The following KLF16 variants were observed in gnomAD, a reference collection of about 807,000 sequenced individuals.
KLF16 encodes the protein Krueppel-like factor 16.
KLF16 carries 6 observed loss-of-function variants against 6.1 expected under a neutral mutation model. The observed-to-expected ratio is 0.98, with a 90% CI of 0.54 to 1.93. The LOEUF (loss-of-function observed/expected upper bound fraction) is 1.93, where lower values mean the gene tolerates loss of function less well. KLF16 is among the 30% of genes most tolerant of loss of function. The probability of loss-of-function intolerance (pLI) is 0.01; values close to 1 mark genes in which losing one functional copy is unlikely to be tolerated. For missense variants in KLF16, 355 were observed against 363.8 expected (o/e 0.98, Z 0.20); for synonymous variants, 211 against 176.5 (o/e 1.20, Z -1.55).
chr19:1,868,005 GAC>G (rs1366650147), upstream of KLF16, among the ~76,000 whole-genome samples: 2 of 151,826 alleles, frequency 1.3e-5, no homozygotes, highest in African/African-American at 4.8e-5. Flanking sequence ...CTTGATTTAA[GAC>G]AGTCGGGTCT....
intron 1 of KLF16, among the ~76,000 whole-genome samples, chr19:1,860,968 G>A (rs1169671667): frequency 1.3e-5 from 2 of 152,034 alleles, no homozygotes; most frequent in Non-Finnish European, 2.9e-5. Flanking sequence ...AAGGGGTGGG[G>A]GAGGGTGCCA....
At position 1,863,560 on chromosome 19, in the gene KLF16, C is replaced by CCGG. The variant is rs1784092577; in HGVS notation, c.-66_-64dup. On this transcript the variant is annotated 5_prime_UTR_variant, in exon 1 of 2. Transcript: ENST00000250916. ...GGCGGCGGGAGCGGCGTCCGTCCGG[C>CCGG]CGGCGGCGGCTGCTCGAGTGCGGGA... The CCGG allele has an allele frequency of 3.6e-6, 3 of 828,808 alleles. No individual in the cohort carries two copies. The highest frequency in any genetic ancestry group is 4.3e-6 in the Non-Finnish European group (3 of 690,324). The allele number at this position is 828,808 out of a possible 1,614,324, so 51.3% of individuals were successfully genotyped here.
chr19:1,867,927 C>CGTGTGTGTGTGTGTGTGTGTGT (rs71174389), upstream of KLF16, among the ~76,000 whole-genome samples: 4 of 147,866 alleles, frequency 2.7e-5, no homozygotes, highest in Non-Finnish European at 6.0e-5. Flanking sequence ...TATGTAAGGA[C>CGTGTGTGTGTGTGTGTGTGTGT]GTGTGTGTGT....
At chr19:1,869,800 T>TA in the KLF16 span, among the ~76,000 whole-genome samples, 1 of 152,150 alleles carries the variant, frequency 6.6e-6, no homozygotes, top group East Asian at 1.9e-4. Flanking sequence ...TTTCTAGAGA[T>TA]AGGGTCTTAC....
chr19:1,874,100 G>A, the KLF16 span, among the ~76,000 whole-genome samples: 1 of 152,172 alleles, frequency 6.6e-6, no homozygotes, highest in Non-Finnish European at 1.5e-5. Flanking sequence ...ATCAGATGAA[G>A]TCGTCAACTA....
chr19:1,863,145 G>A lies in KLF16; in HGVS notation c.353C>T (p.Ala118Val), dbSNP rs753400010. The A allele has an allele frequency of 4.0e-5, 53 of 1,317,318 alleles. No homozygotes were observed. The African/African-American group carries it at 7.6e-4, about 19-fold the overall frequency. 81.6% of individuals were successfully genotyped at this position (1,317,318 alleles called of 1,614,324 possible). Reference protein sequence around the residue: ...SSPSSGRAPGAAPSAAAKSHR... With the variant: ...SSPSSGRAPGVAPSAAAKSHR... The stretch of plus-strand genomic sequence containing the variant: ...GCTCTTGGCGGCGGCGGAGGGCGCG[G>A]CGCCGGGGGCGCGGCCCGAGGACGG... Residue 118 changes from alanine (A) to valine (V), a missense_variant, in exon 1 of 2, where the codon GCC becomes GTC. Coordinates refer to ENST00000250916, the MANE Select transcript of KLF16 (RefSeq NM_031918.4).
At chr19:1,868,902 C>T in the KLF16 span, among the ~76,000 whole-genome samples, 1 of 152,132 alleles carries the variant, frequency 6.6e-6, no homozygotes, top group Non-Finnish European at 1.5e-5. Flanking sequence ...CTCAGCCTCC[C>T]AAAGTGCTAG....
chr19:1,861,307 C>T (rs1476016715), intron 1 of KLF16, among the ~76,000 whole-genome samples: 2 of 152,160 alleles, frequency 1.3e-5, no homozygotes, highest in Non-Finnish European at 2.9e-5. Context: ...AAAGAATGAC[C>T]TGGGTAGACA....
intron 1 of KLF16, among the ~76,000 whole-genome samples, chr19:1,855,538 G>A (rs1599191694): frequency 6.6e-6 from 1 of 152,162 alleles, no homozygotes; most frequent in African/African-American, 2.4e-5. Context: ...TTCCTCCACA[G>A]TCCCCTCCCA....
chr19:1,875,453 G>C, the KLF16 span: 2 of 151,864 alleles, frequency 1.3e-5, no homozygotes, highest in African/African-American at 2.4e-5. Flanking sequence ...TTGCAGACCC[G>C]TAAGAAACGG....
At chr19:1,863,965 C>T (rs1392824101), upstream of KLF16, among the ~76,000 whole-genome samples, 1 of 145,848 alleles carries the variant, frequency 6.9e-6, no homozygotes, top group South Asian at 2.2e-4. Context: ...CGTACCCTTT[C>T]CCGGAGCACC....
the KLF16 span, among the ~76,000 whole-genome samples, chr19:1,874,575 A>G: frequency 6.6e-6 from 1 of 152,168 alleles, no homozygotes; most frequent in Admixed American, 6.5e-5. Flanking sequence ...CTGAGATGAC[A>G]CAAAAATGCA....
upstream of KLF16, among the ~76,000 whole-genome samples, chr19:1,863,979 C>T (rs1022660284): frequency 6.8e-6 from 1 of 146,226 alleles, no homozygotes; most frequent in Non-Finnish European, 1.5e-5. Context: ...GAGCACCACC[C>T]CCTCAAGCCG....
rs1364490523 is a variant in KLF16, at chr19:1,856,943, A to G, written c.458-2183T>C. Reference sequence around the variant, plus strand: ...CCAGTTCCACTTTGCAAGGAGGAGCAGGTTGCCGGGGTGGGGGGGGCGACC... The same window carrying G: ...CCAGTTCCACTTTGCAAGGAGGAGCGGGTTGCCGGGGTGGGGGGGGCGACC... On this transcript the variant is annotated intron_variant, in intron 1 of 1. Coordinates refer to ENST00000250916, the MANE Select transcript of KLF16 (RefSeq NM_031918.4). Among the ~76,000 whole-genome samples the G allele has an allele frequency of 5.6e-5, 3 of 53,384 alleles. No individual in the cohort carries two copies. The East Asian group carries it at 2.1e-3, about 38-fold the overall frequency. The allele number at this position is 53,384 out of a possible 152,430, so 35.0% of individuals were successfully genotyped here.
chr19:1,854,711 G>A lies in KLF16; in HGVS notation c.507C>T (p.Ala169=). 6.3e-7 allele frequency: 1 copy of A among 1,599,426 alleles called. No individual in the cohort carries two copies. The highest frequency in any genetic ancestry group is 8.5e-7 in the Non-Finnish European group (1 of 1,179,512). ...GGTGGCGGGCCAGCTCGTCGGAGCGGGCGAACTTCTTGTCGCAGCCCTGCC... is the reference window on the plus strand; with the variant it reads ...GGTGGCGGGCCAGCTCGTCGGAGCGAGCGAACTTCTTGTCGCAGCCCTGCC... ...CDWQGCDKKF[A]RSDELARHHR... Residue 169 remains alanine, a synonymous_variant, in exon 2 of 2, where the codon GCC becomes GCT. Coordinates refer to ENST00000250916, the MANE Select transcript of KLF16 (RefSeq NM_031918.4).
the KLF16 span, chr19:1,874,747 A>C: frequency 3.1e-3 from 49 of 15,658 alleles, no homozygotes; most frequent in Non-Finnish European, 4.3e-3. Flanking sequence ...TCAGAGTCCC[A>C]AAAAAAAAAA....
intron 1 of KLF16, among the ~76,000 whole-genome samples, chr19:1,856,950 C>CGGGGGGGGGGGGGGGGGGGGGGGGG (rs946961126): frequency 2.3e-5 from 1 of 43,264 alleles, no homozygotes; most frequent in African/African-American, 2.0e-4. Flanking sequence ...AGCAGGTTGC[C>CGGGGGGGGGGGGGGGGGGGGGGGGG]GGGGTGGGGG....
At chr19:1,862,449 C>T (rs967615684) in intron 1 of KLF16, among the ~76,000 whole-genome samples, 1 of 152,114 alleles carries the variant, frequency 6.6e-6, no homozygotes, top group African/African-American at 2.4e-5. Flanking sequence ...CAGACTCAGG[C>T]CCCAACCCGC....
At chr19:1,866,170 A>G (rs983382353), upstream of KLF16, among the ~76,000 whole-genome samples, 1 of 151,850 alleles carries the variant, frequency 6.6e-6, no homozygotes, top group African/African-American at 2.4e-5. Flanking sequence ...TAGCCGGGCC[A>G]GGTGGTGGGC....
Sources: allele counts gnomAD v4.1 joint callset (sites outside exome capture counted in the v4.1 genomes callset), GRCh38; gene constraint gnomAD v4.1.1; transcripts MANE v1.5; gene names NCBI Gene and HGNC (gene_info 2026-07-23, HGNC 2026-07-21).